The following COLEC10 variants were observed in gnomAD, a reference collection of about 807,000 sequenced individuals.
The protein encoded by COLEC10 is collectin-10.
Under a neutral mutation model 28.4 loss-of-function variants are expected in COLEC10, and 22 were observed. The ratio of observed to expected loss-of-function variants is 0.78; its 90% CI spans 0.55 to 1.11. The LOEUF is 1.11. Ranked by LOEUF, COLEC10 falls within the 50% of genes least tolerant of loss-of-function variation. COLEC10 has a pLI of 0.00. For missense variants in COLEC10, 361 were observed against 344.1 expected, an observed-to-expected ratio of 1.05 and a Z score of -0.39; for synonymous variants, 125 against 116.1, an observed-to-expected ratio of 1.08 and a Z score of -0.49.
intron 2 of COLEC10, among the ~76,000 whole-genome samples, chr8:119,047,744 T>TA (rs1377135757): frequency 1.9e-4 from 29 of 149,392 alleles, no homozygotes; most frequent in South Asian, 6.4e-4. Context: ...CCTCTCTTAT[T>TA]AAAAAAAAAC....
At chr8:119,067,631 G>A (rs3829047) in intron 1 of COLEC10, 18,470 of 500,092 alleles carry the variant, frequency 0.037, 1,055 homozygotes, top group East Asian at 0.23. Flanking sequence ...GTAAGAGGAT[G>A]TTGGGAAGGG....
In COLEC10 at chr8:118,996,509, C is replaced by T. The variant is rs551364051; in HGVS notation, n.122+936C>T. ...TATAAGAGTTTTAATTTCTCTGCAT[C>T]TTTGCCAACACTTGTCTTTTTTTAA... On this transcript the variant is annotated intron_variant and non_coding_transcript_variant, in intron 1 of 6. Coordinates refer to the COLEC10 transcript ENST00000521788. Among the ~76,000 whole-genome samples the T allele has an allele frequency of 1.8e-4, 27 of 152,292 alleles. 1 individual carries two copies. Among genetic ancestry groups the T allele is most frequent in the East Asian group, 1.4e-3 (7 of 5,178 alleles).
intron 2 of COLEC10, among the ~76,000 whole-genome samples, chr8:119,059,750 C>G (rs1814821004): frequency 6.6e-6 from 1 of 151,990 alleles, no homozygotes; most frequent in Non-Finnish European, 1.5e-5. Flanking sequence ...GGTATCTTTT[C>G]AAGAACAAAT....
upstream of COLEC10, among the ~76,000 whole-genome samples, chr8:119,064,523 T>C (rs1181042322): frequency 2.0e-5 from 3 of 152,208 alleles, no homozygotes; most frequent in Non-Finnish European, 4.4e-5. Flanking sequence ...ATGTTAAATA[T>C]GAAGTCCAAA....
intron 3 of COLEC10, among the ~76,000 whole-genome samples, chr8:119,091,597 GAAAGAAAGAAAGAA>G (rs71296912): frequency 0.095 from 11,693 of 122,680 alleles, 509 homozygotes; most frequent in Middle Eastern, 0.2. Context: ...GAGAGAGAGA[GAAAGAAAGAAAGAA>G]AGAAAGAAAG....
chr8:119,016,696 AT>A (rs569761332), intron 2 of COLEC10, among the ~76,000 whole-genome samples: 72 of 151,168 alleles, frequency 4.8e-4, no homozygotes, highest in Non-Finnish European at 2.8e-4. Flanking sequence ...TTGTTTCCTG[AT>A]TTTTTGTTTC....
At chr8:119,024,952 A>C (rs540910523) in intron 2 of COLEC10, among the ~76,000 whole-genome samples, 71 of 152,292 alleles carry the variant, frequency 4.7e-4, no homozygotes, top group African/African-American at 1.7e-3. Context: ...CGGGCAAGAT[A>C]ATAGACCTGT....
At chr8:119,061,525 A>G (rs1180788811) in intron 2 of COLEC10, among the ~76,000 whole-genome samples, 2 of 152,030 alleles carry the variant, frequency 1.3e-5, no homozygotes, top group African/African-American at 4.8e-5. Context: ...ACAACATCAA[A>G]TTTCTCAGCA....
the COLEC10 span, among the ~76,000 whole-genome samples, chr8:118,968,739 C>T: frequency 6.6e-6 from 1 of 151,884 alleles, no homozygotes. Context: ...CCATCATCTG[C>T]ATTAGGTATT....
intron 3 of COLEC10, among the ~76,000 whole-genome samples, chr8:119,093,001 C>A (rs1338597252): frequency 6.6e-6 from 1 of 152,082 alleles, no homozygotes; most frequent in Non-Finnish European, 1.5e-5. Flanking sequence ...AAAGAACAGA[C>A]CTAGGTCTTG....
chr8:119,072,152 C>T (rs909885722), intron 1 of COLEC10, among the ~76,000 whole-genome samples: 3 of 152,200 alleles, frequency 2.0e-5, no homozygotes, highest in Non-Finnish European at 4.4e-5. Context: ...ACCATCATGA[C>T]TCCTCCACAC....
intron 2 of COLEC10, among the ~76,000 whole-genome samples, chr8:119,011,841 C>G (rs1379290175): frequency 6.6e-6 from 1 of 150,922 alleles, no homozygotes; most frequent in Non-Finnish European, 1.5e-5. Context: ...TCATTAGTTT[C>G]TGAAGTGTTA....
Position 119,102,414 on chromosome 8 carries a change from C to A in COLEC10, c.346+13C>A. 1.9e-6 allele frequency: 3 copies of A among 1,592,680 alleles called. No individual in the cohort carries two copies. Among genetic ancestry groups the A allele is most frequent in the South Asian group, 2.3e-5 (2 of 87,204 alleles). On this transcript the variant is annotated intron_variant, in intron 4 of 5. Coordinates refer to ENST00000332843, the MANE Select transcript of COLEC10 (RefSeq NM_006438.5). ...AAAGGCAAAGCAGGTACGATATGTT[C>A]AATGTTCTCTTTGATTTCTAGCATG... is the stretch of plus-strand genomic sequence containing the variant.
intron 2 of COLEC10, among the ~76,000 whole-genome samples, chr8:119,035,326 A>G (rs1315278637): frequency 1.4e-5 from 2 of 139,694 alleles, no homozygotes; most frequent in Non-Finnish European, 3.1e-5. Context: ...CGATGTAGGA[A>G]GAAGACATAT....
the COLEC10 span, among the ~76,000 whole-genome samples, chr8:118,979,829 C>T: frequency 3.7e-4 from 57 of 152,084 alleles, no homozygotes; most frequent in Non-Finnish European, 7.4e-4. Context: ...AGCTGACAGC[C>T]AGACCATACC....
the COLEC10 span, among the ~76,000 whole-genome samples, chr8:118,960,785 G>GGAAAAA: frequency 2.6e-4 from 19 of 72,558 alleles, no homozygotes; most frequent in African/African-American, 9.6e-4. Flanking sequence ...GAGACTCTGT[G>GGAAAAA]AAAAAAAAAA....
At chr8:119,025,606 G>A (rs1352329315) in intron 2 of COLEC10, among the ~76,000 whole-genome samples, 4 of 152,274 alleles carry the variant, frequency 2.6e-5, no homozygotes, top group African/African-American at 7.2e-5. Flanking sequence ...GACTAAGCGC[G>A]AGGCTTGACC....
chr8:119,051,115 G>A (rs1587021060), intron 2 of COLEC10, among the ~76,000 whole-genome samples: 1 of 151,994 alleles, frequency 6.6e-6, no homozygotes, highest in East Asian at 1.9e-4. Context: ...CAAGTTAGAG[G>A]TGTGAGATTT....
chr8:119,102,333 A>C lies in COLEC10; in HGVS notation c.293-15A>C, dbSNP rs764172192. ...TTAATTTTATTTTATTTTGGTTGCTATTGTTTTTTTTCAGGTGACAAAGGG... is the reference window on the plus strand; with the variant it reads ...TTAATTTTATTTTATTTTGGTTGCTCTTGTTTTTTTTCAGGTGACAAAGGG... On this transcript the variant is annotated splice_polypyrimidine_tract_variant and intron_variant, in intron 3 of 5. Coordinates refer to ENST00000332843, the MANE Select transcript of COLEC10 (RefSeq NM_006438.5). 7.2e-7 allele frequency: 1 copy of C among 1,381,542 alleles called. No homozygotes were observed. Among genetic ancestry groups the C allele is most frequent in the Admixed American group, 2.1e-5 (1 of 48,136 alleles). The allele number at this position is 1,381,542 out of a possible 1,614,324, so 85.6% of individuals were successfully genotyped here.
Sources: gnomAD v4.1 joint callset for allele counts (sites outside exome capture counted in the v4.1 genomes callset) on GRCh38, gnomAD v4.1.1 for gene constraint, MANE v1.5 for transcripts, NCBI Gene and HGNC (gene_info 2026-07-23, HGNC 2026-07-21) for gene names.